Variants in CELF1 observed in about 807,000 individuals in gnomAD.
CELF1 encodes the protein CUGBP Elav-like family member 1.
CELF1 carries 10 observed loss-of-function variants against 61.8 expected under a neutral mutation model. The ratio of observed to expected loss-of-function variants is 0.16; its 90% CI spans 0.10 to 0.27. The LOEUF (loss-of-function observed/expected upper bound fraction) is 0.27. Ranked by LOEUF, CELF1 falls within the 10% of genes least tolerant of loss-of-function variation. The probability of loss-of-function intolerance (pLI) is 1.00; values close to 1 mark genes in which losing one functional copy is unlikely to be tolerated. For missense variants in CELF1, 380 were observed against 639.1 expected, an observed-to-expected ratio of 0.59 and a Z score of 4.37; for synonymous variants, 236 against 225.1, an observed-to-expected ratio of 1.05 and a Z score of -0.43.
In CELF1 at chr11:47,478,882, A is replaced by G; in HGVS notation, c.839T>C (p.Met280Thr). ...TGCAGCAGTGAAACACTTACCTCCC[A>G]TTGGGTGGAGGCTGCTCAGGGTGTT... ...NLNTLSSLHP[M>T]GGLNAMQLQN... The change falls in exon 10 of 15, where the codon ATG becomes ACG. Residue 280 changes from methionine (M) to threonine (T), a missense_variant. Transcript: ENST00000687097. The G allele has an allele frequency of 6.2e-7, 1 of 1,612,124 alleles. No homozygotes were observed. Among genetic ancestry groups the G allele is most frequent in the Non-Finnish European group, 8.5e-7 (1 of 1,179,102 alleles).
At chr11:47,561,051 T>A (rs2097223136) in intron 2 of CELF1, among the ~76,000 whole-genome samples, 1 of 144,536 alleles carries the variant, frequency 6.9e-6, no homozygotes, top group African/African-American at 2.6e-5. Flanking sequence ...GGCAGGAGAA[T>A]GGCATGAGCC....
chr11:47,505,793 G>C (rs1038999135), intron 1 of CELF1, among the ~76,000 whole-genome samples: 4 of 150,198 alleles, frequency 2.7e-5, no homozygotes, highest in Admixed American at 6.7e-5. Flanking sequence ...AAATTAGCCA[G>C]GCACAGTAGC....
chr11:47,467,536 T>C lies in CELF1; in HGVS notation c.*4694A>G, dbSNP rs2076873619. 1 of 152,272 alleles carries C rather than the reference T, an allele frequency of 6.6e-6. No individual in the cohort carries two copies. Among genetic ancestry groups the C allele is most frequent in the African/African-American group, 2.4e-5 (1 of 41,452 alleles). The allele number at this position is 152,272 out of a possible 1,614,324, so 9.4% of individuals were successfully genotyped here. On this transcript the variant is annotated 3_prime_UTR_variant, in exon 15 of 15. Coordinates refer to ENST00000687097, the MANE Select transcript of CELF1 (RefSeq NM_001376376.1). ...TGTGAAGACTGTAGTATTGTGCTTG[T>C]CACCTAGGAAAAGCGCCAGCAGGTG... is the stretch of plus-strand genomic sequence containing the variant.
chr11:47,558,587 ATT>A (rs1426523402), intron 2 of CELF1, among the ~76,000 whole-genome samples: 243 of 111,034 alleles, frequency 2.2e-3, no homozygotes, highest in East Asian at 2.8e-3. Context: ...ATATATATAT[ATT>A]TATATTATAT....
At chr11:47,526,000 C>A (rs564170689) in intron 1 of CELF1, among the ~76,000 whole-genome samples, 1 of 151,804 alleles carries the variant, frequency 6.6e-6, no homozygotes, top group South Asian at 2.1e-4. Flanking sequence ...CAGACCTAGA[C>A]TTTCTTGCTT....
chr11:47,532,843 G>A (rs1225935164), intron 1 of CELF1, among the ~76,000 whole-genome samples: 2 of 152,142 alleles, frequency 1.3e-5, no homozygotes, highest in African/African-American at 4.8e-5. Flanking sequence ...GCTTTTTAAA[G>A]CTTCTAATTA....
intron 6 of CELF1, among the ~76,000 whole-genome samples, chr11:47,485,772 G>C (rs1241548615): frequency 2.7e-5 from 4 of 150,786 alleles, no homozygotes; most frequent in Non-Finnish European, 5.9e-5. Flanking sequence ...AGTAGAGACA[G>C]GGTTTCACCA....
chr11:47,493,049 C>CT (rs1208201414), intron 3 of CELF1, among the ~76,000 whole-genome samples: 1 of 152,110 alleles, frequency 6.6e-6, no homozygotes, highest in African/African-American at 2.4e-5. Flanking sequence ...AGCATAAACA[C>CT]AAGTCAATAT....
intron 1 of CELF1, among the ~76,000 whole-genome samples, chr11:47,521,230 C>A (rs572921188): frequency 2.0e-3 from 300 of 151,900 alleles, no homozygotes; most frequent in African/African-American, 7.1e-3. Flanking sequence ...CCAGCCTGGG[C>A]GACTGAGAGA....
At chr11:47,491,435 A>G (rs1162746198) in intron 3 of CELF1, among the ~76,000 whole-genome samples, 2 of 152,260 alleles carry the variant, frequency 1.3e-5, no homozygotes, top group African/African-American at 4.8e-5. Flanking sequence ...CTGGGATTAC[A>G]GGCCTGAGCC....
chr11:47,556,866 G>A (rs911971882), upstream of CELF1, among the ~76,000 whole-genome samples: 1 of 152,146 alleles, frequency 6.6e-6, no homozygotes, highest in African/African-American at 2.4e-5. Context: ...AGGCATCAGA[G>A]TAAGACCCTG....
chr11:47,476,798 C>T, intron 12 of CELF1, 48 bp downstream of exon 12: 1 of 1,425,446 alleles, frequency 7.0e-7, no homozygotes, highest in African/African-American at 1.4e-5. Flanking sequence ...TTAAGATGTG[C>T]TACCTGCACA....
intron 1 of CELF1, among the ~76,000 whole-genome samples, chr11:47,525,928 CAAAA>C (rs1041970363): frequency 5.5e-5 from 3 of 55,030 alleles, no homozygotes; most frequent in African/African-American, 1.6e-4. Context: ...CACAAACAAA[CAAAA>C]AAACAAACAA....
upstream of CELF1, among the ~76,000 whole-genome samples, chr11:47,557,231 T>G (rs147835926): frequency 0.022 from 3,275 of 150,472 alleles, 88 homozygotes; most frequent in African/African-American, 0.065. Flanking sequence ...GTTTTGTTTT[T>G]TTTTTGAGGC....
chr11:47,536,916 C>G (rs2096643768), intron 1 of CELF1, among the ~76,000 whole-genome samples: 1 of 152,102 alleles, frequency 6.6e-6, no homozygotes, highest in Non-Finnish European at 1.5e-5. Context: ...AAGGACAAGT[C>G]CACAGTATAG....
chr11:47,498,877 G>C (rs2093541136), intron 3 of CELF1, among the ~76,000 whole-genome samples: 1 of 151,352 alleles, frequency 6.6e-6, no homozygotes, highest in East Asian at 1.9e-4. Flanking sequence ...GAGGGTAAAG[G>C]ACAATTTGAT....
chr11:47,475,230 G>A (rs1471053844), intron 13 of CELF1, 106 bp downstream of exon 13: 2 of 986,966 alleles, frequency 2.0e-6, no homozygotes, highest in Non-Finnish European at 3.1e-6. Context: ...GAAAAACAAT[G>A]GTCTGACGAC....
intron 1 of CELF1, among the ~76,000 whole-genome samples, chr11:47,533,831 A>AAAAAAG (rs1491545271): frequency 7.1e-6 from 1 of 140,910 alleles, no homozygotes; most frequent in Admixed American, 7.2e-5. Context: ...AAAAAAAAAA[A>AAAAAAG]GGAATATTTA....
chr11:47,492,001 A>G (rs894895405), intron 3 of CELF1, among the ~76,000 whole-genome samples: 1 of 152,168 alleles, frequency 6.6e-6, no homozygotes, highest in Non-Finnish European at 1.5e-5. Context: ...TTTTAAAGAC[A>G]TGGTCTCGCT....
Sources: gnomAD v4.1 joint callset for allele counts (sites outside exome capture counted in the v4.1 genomes callset) on GRCh38, gnomAD v4.1.1 for gene constraint, MANE v1.5 for transcripts, NCBI Gene and HGNC (gene_info 2026-07-23, HGNC 2026-07-21) for gene names.